The following ARMH3 variants were observed in gnomAD, a reference collection of about 807,000 sequenced individuals.
ARMH3 encodes armadillo-like helical domain-containing protein 3.
ARMH3 carries 60 observed loss-of-function variants against 99.1 expected under a neutral mutation model. The observed-to-expected ratio is 0.61, with a 90% CI of 0.49 to 0.75. The LOEUF is 0.75. Among genes scored for constraint, ARMH3 ranks in the 30% least tolerant of loss-of-function variants. The pLI is 0.00. For missense variants in ARMH3, 679 were observed against 843.1 expected (o/e 0.81, Z 2.41); for synonymous variants, 285 against 292.8 (o/e 0.97, Z 0.27).
At chr10:101,915,134 T>C (rs1843025653) in intron 23 of ARMH3, among the ~76,000 whole-genome samples, 1 of 152,158 alleles carries the variant, frequency 6.6e-6, no homozygotes, top group East Asian at 1.9e-4. Flanking sequence ...CTTCATCTAG[T>C]ATATCTGCAT....
intron 24 of ARMH3, among the ~76,000 whole-genome samples, chr10:101,855,735 A>G (rs967242254): frequency 2.0e-5 from 3 of 147,172 alleles, no homozygotes; most frequent in Non-Finnish European, 4.5e-5. Flanking sequence ...TATATAAAAT[A>G]CATTATATAA....
At chr10:102,023,881 C>T (rs1192332026) in intron 6 of ARMH3, 132 bp from the exon 7 acceptor site, 3 of 814,624 alleles carry the variant, frequency 3.7e-6, no homozygotes, top group Admixed American at 4.9e-5. Flanking sequence ...TGACCTTTCA[C>T]AAGTGCCCCT....
Position 102,029,758 on chromosome 10 carries a change from G to C in ARMH3, c.307-13C>G. Reference sequence around the variant, plus strand: ...GTGCGCACAGGGTCTGCAGAAATGAGAGAAAGAATTCTTTCTGGAGAGGAA... The same window carrying C: ...GTGCGCACAGGGTCTGCAGAAATGACAGAAAGAATTCTTTCTGGAGAGGAA... On this transcript the variant is annotated splice_polypyrimidine_tract_variant and intron_variant, in intron 4 of 25. Coordinates refer to ENST00000370033, the MANE Select transcript of ARMH3 (RefSeq NM_024541.3). The C allele has an allele frequency of 6.2e-7, 1 of 1,605,722 alleles. No individual in the cohort carries two copies. The highest frequency in any genetic ancestry group is 8.5e-7 in the Non-Finnish European group (1 of 1,173,566).
chr10:101,975,445 T>A (rs1211480866), intron 19 of ARMH3, 145 bp from the exon 20 acceptor site: 1 of 512,718 alleles, frequency 2.0e-6, no homozygotes, highest in Non-Finnish European at 3.5e-6. Context: ...TATACAAAAC[T>A]TCTGGCCGGG....
At chr10:101,974,205 A>G (rs1845890929) in intron 20 of ARMH3, among the ~76,000 whole-genome samples, 1 of 152,212 alleles carries the variant, frequency 6.6e-6, no homozygotes, top group South Asian at 2.1e-4. Flanking sequence ...TCCATTAACT[A>G]AAGATCTCTA....
At chr10:102,020,664 C>T (rs180789955) in intron 8 of ARMH3, among the ~76,000 whole-genome samples, 9 of 143,502 alleles carry the variant, frequency 6.3e-5, no homozygotes, top group East Asian at 4.0e-4. Flanking sequence ...CCAGCCTGGG[C>T]GACAGAGACT....
chr10:102,035,173 G>T (rs988115542), intron 2 of ARMH3, among the ~76,000 whole-genome samples: 2 of 152,076 alleles, frequency 1.3e-5, no homozygotes, highest in African/African-American at 4.8e-5. Flanking sequence ...TCAGGAGATG[G>T]AGGCCATCCT....
intron 23 of ARMH3, among the ~76,000 whole-genome samples, chr10:101,908,664 C>CTT (rs373262667): frequency 8.0e-5 from 11 of 137,332 alleles, no homozygotes; most frequent in South Asian, 4.7e-4. Context: ...TTTTCTTTTT[C>CTT]TTTTTTTTTT....
chr10:101,893,801 T>C (rs2067751935), intron 23 of ARMH3, among the ~76,000 whole-genome samples: 1 of 152,080 alleles, frequency 6.6e-6, no homozygotes, highest in African/African-American at 2.4e-5. Flanking sequence ...ACCTTCAAAA[T>C]GTACACTTGT....
At chr10:101,866,028 C>T (rs964241369) in intron 24 of ARMH3, among the ~76,000 whole-genome samples, 5 of 151,628 alleles carry the variant, frequency 3.3e-5, no homozygotes, top group Non-Finnish European at 5.9e-5. Context: ...CAAGACCAGC[C>T]TGGCCAACAT....
At chr10:102,053,480 C>T (rs2067759252) in intron 1 of ARMH3, among the ~76,000 whole-genome samples, 1 of 152,102 alleles carries the variant, frequency 6.6e-6, no homozygotes, top group African/African-American at 2.4e-5. Context: ...GGCAATCTAC[C>T]TGCCTAGGCC....
chr10:101,865,453 G>A (rs1453143327), intron 24 of ARMH3, among the ~76,000 whole-genome samples: 1 of 152,054 alleles, frequency 6.6e-6, no homozygotes, highest in East Asian at 1.9e-4. Flanking sequence ...AATTATAACT[G>A]TATAAAATTA....
At chr10:101,870,804 G>C (rs115704610) in intron 24 of ARMH3, among the ~76,000 whole-genome samples, 354 of 152,088 alleles carry the variant, frequency 2.3e-3, no homozygotes, top group African/African-American at 8.1e-3. Context: ...ACTTTGGGAG[G>C]CCTGGTAGCC....
chr10:101,991,252 C>G (rs1300762069), intron 18 of ARMH3, among the ~76,000 whole-genome samples: 1 of 152,198 alleles, frequency 6.6e-6, no homozygotes, highest in Non-Finnish European at 1.5e-5. Flanking sequence ...CAAGATACAG[C>G]CCCCTACCTG....
At chr10:101,869,350 C>T (rs1302397525) in intron 24 of ARMH3, among the ~76,000 whole-genome samples, 2 of 152,118 alleles carry the variant, frequency 1.3e-5, no homozygotes, top group African/African-American at 2.4e-5. Flanking sequence ...ACAAGATGGA[C>T]TGTACAATGG....
At chr10:101,855,059 TTC>T (rs1376193813) in intron 24 of ARMH3, among the ~76,000 whole-genome samples, 5 of 9,200 alleles carry the variant, frequency 5.4e-4, no homozygotes, top group African/African-American at 1.7e-3. Context: ...ACACTGTCTA[TTC>T]TTTTTTTTTT....
intron 8 of ARMH3, among the ~76,000 whole-genome samples, chr10:102,017,046 C>G (rs975822576): frequency 2.0e-5 from 3 of 152,196 alleles, no homozygotes; most frequent in Non-Finnish European, 4.4e-5. Flanking sequence ...TACCCAACCT[C>G]TCTGTGCCTC....
At chr10:101,850,586 G>A (rs184837517) in intron 24 of ARMH3, among the ~76,000 whole-genome samples, 8 of 151,632 alleles carry the variant, frequency 5.3e-5, no homozygotes, top group South Asian at 2.1e-4. Flanking sequence ...CATCATGCCC[G>A]GCTAATTTTT....
intron 24 of ARMH3, among the ~76,000 whole-genome samples, chr10:101,882,696 C>T (rs1203589675): frequency 6.6e-6 from 1 of 152,134 alleles, no homozygotes; most frequent in Non-Finnish European, 1.5e-5. Context: ...GACAGGGTTT[C>T]AACATGTTGG....
Sources: allele counts gnomAD v4.1 joint callset (sites outside exome capture counted in the v4.1 genomes callset), GRCh38; gene constraint gnomAD v4.1.1; transcripts MANE v1.5; gene names NCBI Gene and HGNC (gene_info 2026-07-23, HGNC 2026-07-21).